Variants in UBE4B observed in about 807,000 individuals in gnomAD.
UBE4B encodes ubiquitination factor E4B.
Under a neutral mutation model 148.1 loss-of-function variants are expected in UBE4B, and 27 were observed. The observed-to-expected ratio is 0.18, with a 90% confidence interval of 0.13 to 0.25. The LOEUF (loss-of-function observed/expected upper bound fraction) is 0.25, where lower values mean the gene tolerates loss of function less well. Among genes scored for constraint, UBE4B ranks in the 10% least tolerant of loss-of-function variants. The pLI, the probability that UBE4B is intolerant of heterozygous loss-of-function variation, is 1.00. For missense variants in UBE4B, 1,170 were observed against 1,662.4 expected, an observed-to-expected ratio of 0.70 and a Z score of 5.15; for synonymous variants, 596 against 619.3, an observed-to-expected ratio of 0.96 and a Z score of 0.56.
At chr1:10,090,507 T>G (rs951130444) in intron 2 of UBE4B, among the ~76,000 whole-genome samples, 5 of 152,198 alleles carry the variant, frequency 3.3e-5, no homozygotes, top group Non-Finnish European at 5.9e-5. Flanking sequence ...CTAGATATTC[T>G]TATCTGTAAA....
intron 11 of UBE4B, 102 bp downstream of exon 11, chr1:10,126,979 T>G: frequency 9.4e-7 from 1 of 1,066,514 alleles, no homozygotes; most frequent in Non-Finnish European, 1.4e-6. Flanking sequence ...CAACCTTGTT[T>G]TCAAATTTAA....
intron 7 of UBE4B, among the ~76,000 whole-genome samples, chr1:10,116,773 C>A (rs1413404508): frequency 6.6e-6 from 1 of 152,110 alleles, no homozygotes; most frequent in Non-Finnish European, 1.5e-5. Flanking sequence ...TCATTAAAAC[C>A]CCACTGCAAA....
intron 1 of UBE4B, among the ~76,000 whole-genome samples, chr1:10,069,617 C>T (rs1358417694): frequency 6.6e-6 from 1 of 152,188 alleles, no homozygotes; most frequent in Non-Finnish European, 1.5e-5. Flanking sequence ...TCACTGCAAC[C>T]TCCGCCTCCC....
At chr1:10,125,503 C>T (rs966019952) in intron 10 of UBE4B, among the ~76,000 whole-genome samples, 1 of 152,200 alleles carries the variant, frequency 6.6e-6, no homozygotes, top group Admixed American at 6.5e-5. Context: ...TCCAGGGCAC[C>T]TGTGTTTTAT....
chr1:10,180,704 G>A lies in UBE4B; in HGVS notation c.*748G>A, dbSNP rs1272531516. The A allele has an allele frequency of 1.3e-5, 2 of 152,142 alleles. No individual in the cohort carries two copies. Among genetic ancestry groups the A allele is most frequent in the Non-Finnish European group, 2.9e-5 (2 of 67,988 alleles). The allele number at this position is 152,142 out of a possible 1,614,324, so 9.4% of individuals were successfully genotyped here. On this transcript the variant is annotated 3_prime_UTR_variant, in exon 28 of 28. Transcript: ENST00000343090. ...CCTGCTGCTCTGGTCCTTGTGATAA[G>A]CCTCTCTTCGGCATCTGAGGAGCAG... is the stretch of plus-strand genomic sequence containing the variant.
chr1:10,123,177 T>C (rs914233713), intron 10 of UBE4B, among the ~76,000 whole-genome samples: 1 of 152,112 alleles, frequency 6.6e-6, no homozygotes. Flanking sequence ...ACGCCTGTAA[T>C]CTCAACACTT....
Position 10,179,531 on chromosome 1 carries a change from G to A in UBE4B, c.3816G>A (p.Arg1272=), listed in dbSNP as rs779239954. Reference sequence around the variant, plus strand: ...ACTCCCCCACGGACCCCTTCAACCGGCAGACGCTGACAGAGAGCATGCTGG... The same window carrying A: ...ACTCCCCCACGGACCCCTTCAACCGACAGACGCTGACAGAGAGCATGCTGG... The part of the protein sequence containing the change: ...LLNSPTDPFN[R]QTLTESMLEP... Residue 1272 remains arginine (R), a synonymous_variant, in exon 27 of 28, where the codon CGG becomes CGA. Transcript: ENST00000343090. 1.2e-6 allele frequency: 2 copies of A among 1,613,672 alleles called. No homozygotes were observed. Among genetic ancestry groups the A allele is most frequent in the Non-Finnish European group, 1.7e-6 (2 of 1,180,016 alleles).
Position 10,106,704 on chromosome 1 carries a change from CTG to C in UBE4B, c.1196+126_1196+127del. The C allele has an allele frequency of 7.6e-7, 1 of 1,311,168 alleles. No individual in the cohort carries two copies. The highest frequency in any genetic ancestry group is 3.3e-5 in the Admixed American group (1 of 30,442). The allele number at this position is 1,311,168 out of a possible 1,614,324, so 81.2% of individuals were successfully genotyped here. ...TAAATTGTTGTTTTGGGTTATTAAC[CTG>C]TGTGGCTAACTAGTTTGGTAGGCAC... On this transcript the variant is annotated intron_variant, in intron 7 of 27. Coordinates refer to ENST00000343090, the MANE Select transcript of UBE4B (RefSeq NM_001105562.3). This position sits in a 1 kb window ranked among gnomAD's most constrained non-coding sequence, Gnocchi z 4.2.
intron 2 of UBE4B, among the ~76,000 whole-genome samples, chr1:10,084,948 C>T (rs1644742848): frequency 6.6e-6 from 1 of 152,014 alleles, no homozygotes; most frequent in Non-Finnish European, 1.5e-5. Context: ...TAGCGATCCC[C>T]CTGCCTCAGC....
chr1:10,111,044 G>GAC (rs55936075), intron 7 of UBE4B, among the ~76,000 whole-genome samples: 22,118 of 113,128 alleles, frequency 0.2, 2,270 homozygotes, highest in Admixed American at 0.25. Context: ...CTCTGTCTCT[G>GAC]ACACACACAC....
intron 26 of UBE4B, chr1:10,179,160 GC>G (rs1646469941): frequency 6.0e-6 from 3 of 502,644 alleles, no homozygotes; most frequent in Non-Finnish European, 1.0e-5. Context: ...TGTGGGGCCT[GC>G]TGCTGGGTCT....
intron 1 of UBE4B, among the ~76,000 whole-genome samples, chr1:10,062,930 T>C (rs537123698): frequency 7.1e-6 from 1 of 140,560 alleles, no homozygotes; most frequent in African/African-American, 2.7e-5. Context: ...CACTCCAGCC[T>C]GGGAAACAAG....
chr1:10,085,267 C>T (rs1010449709), intron 2 of UBE4B, among the ~76,000 whole-genome samples: 11 of 152,190 alleles, frequency 7.2e-5, no homozygotes, highest in African/African-American at 2.7e-4. Flanking sequence ...AAGCAAAACT[C>T]CTTTGTTCCC....
intron 2 of UBE4B, among the ~76,000 whole-genome samples, chr1:10,093,799 A>T (rs1198067010): frequency 1.3e-5 from 2 of 151,236 alleles, no homozygotes; most frequent in Admixed American, 6.6e-5. Flanking sequence ...AGTTAATGCG[A>T]TTCTCCTGCC....
intron 3 of UBE4B, 128 bp from the exon 4 acceptor site, chr1:10,100,980 A>C (rs1645001400): frequency 4.1e-6 from 3 of 731,762 alleles, no homozygotes; most frequent in Non-Finnish European, 4.5e-6. Context: ...ATAAGAAAAA[A>C]GATGGACCAT....
intron 11 of UBE4B, among the ~76,000 whole-genome samples, chr1:10,127,272 A>G (rs1439758596): frequency 6.6e-6 from 1 of 152,164 alleles, no homozygotes; most frequent in African/African-American, 2.4e-5. Context: ...AATGAATACA[A>G]TTTTATCTTT....
chr1:10,049,703 C>G (rs1192694402), intron 1 of UBE4B, among the ~76,000 whole-genome samples: 2 of 151,932 alleles, frequency 1.3e-5, no homozygotes, highest in African/African-American at 2.4e-5. Context: ...GAGTTTGAGA[C>G]CAACTTGGAC....
At chr1:10,113,487 G>C (rs1467306312) in intron 7 of UBE4B, among the ~76,000 whole-genome samples, 1 of 152,176 alleles carries the variant, frequency 6.6e-6, no homozygotes, top group Non-Finnish European at 1.5e-5. Flanking sequence ...TCCTTGCATT[G>C]CCTGGCACAA....
chr1:10,159,064 G>C (rs1646119402), intron 22 of UBE4B, among the ~76,000 whole-genome samples: 1 of 151,880 alleles, frequency 6.6e-6, no homozygotes, highest in African/African-American at 2.4e-5. Flanking sequence ...TGAGATGATG[G>C]GTTAAGTGTT....
Sources: gnomAD v4.1 joint callset for allele counts (sites outside exome capture counted in the v4.1 genomes callset) on GRCh38, gnomAD v4.1.1 for gene constraint, Gnocchi (gnomAD v3.1) non-coding constraint, MANE v1.5 for transcripts, NCBI Gene and HGNC (gene_info 2026-07-23, HGNC 2026-07-21) for gene names.